Variants in CORIN observed in about 807,000 individuals in gnomAD.
CORIN encodes atrial natriuretic peptide-converting enzyme.
Under a neutral mutation model 125.3 loss-of-function variants are expected in CORIN, and 117 were observed. The observed-to-expected ratio is 0.93, with a 90% CI of 0.80 to 1.09. The LOEUF is 1.09. Ranked by LOEUF, CORIN falls within the 50% of genes least tolerant of loss-of-function variation. The pLI is 0.00. For synonymous variants in CORIN, 450 were observed against 466.4 expected (o/e 0.96, Z 0.45); for missense variants, 1,253 against 1,306.7 (o/e 0.96, Z 0.63).
At chr4:47,793,142 C>T (rs965913918) in intron 2 of CORIN, among the ~76,000 whole-genome samples, 1 of 152,128 alleles carries the variant, frequency 6.6e-6, no homozygotes, top group African/African-American at 2.4e-5. Context: ...CCAGATGCCT[C>T]ACCAGACTCC....
intron 5 of CORIN, among the ~76,000 whole-genome samples, chr4:47,714,766 G>A (rs1301414350): frequency 6.6e-6 from 1 of 152,176 alleles, no homozygotes; most frequent in East Asian, 1.9e-4. Context: ...ACAGGCTATA[G>A]TTTGCTGACC....
chr4:47,729,619 G>A (rs1727767813), intron 5 of CORIN, among the ~76,000 whole-genome samples: 1 of 152,126 alleles, frequency 6.6e-6, no homozygotes, highest in African/African-American at 2.4e-5. Context: ...ACAGACGGGA[G>A]GTGGAAATGC....
chr4:47,690,768 T>TA (rs1188573156), intron 6 of CORIN, among the ~76,000 whole-genome samples: 3 of 152,178 alleles, frequency 2.0e-5, no homozygotes, highest in Non-Finnish European at 4.4e-5. Flanking sequence ...AATTCAGACT[T>TA]ACACTATTCC....
At chr4:47,834,496 G>A (rs1733273263) in intron 1 of CORIN, among the ~76,000 whole-genome samples, 2 of 152,210 alleles carry the variant, frequency 1.3e-5, no homozygotes, top group Non-Finnish European at 2.9e-5. Context: ...TTTCAGTAAT[G>A]CAAGATAAAT....
intron 1 of CORIN, among the ~76,000 whole-genome samples, chr4:47,816,168 CAATT>C (rs1732258972): frequency 6.6e-6 from 1 of 152,110 alleles, no homozygotes; most frequent in South Asian, 2.1e-4. Flanking sequence ...ATGTTGAAAA[CAATT>C]AACCTACTGA....
intron 21 of CORIN, 24 bp from the exon 22 acceptor site, chr4:47,595,927 T>C (rs767021760): frequency 2.1e-5 from 33 of 1,590,780 alleles, no homozygotes; most frequent in Non-Finnish European, 2.7e-5. Flanking sequence ...CGATGGGAGT[T>C]AGGAACTGGC....
chr4:47,784,934 T>C (rs1302090033), intron 3 of CORIN, among the ~76,000 whole-genome samples: 1 of 152,162 alleles, frequency 6.6e-6, no homozygotes, highest in Admixed American at 6.5e-5. Context: ...CTCTTTTGGG[T>C]TGGAGAAATA....
At chr4:47,713,573 C>T (rs775000715) in intron 5 of CORIN, among the ~76,000 whole-genome samples, 1 of 152,164 alleles carries the variant, frequency 6.6e-6, no homozygotes, top group South Asian at 2.1e-4. Flanking sequence ...CTCAGCCCTG[C>T]GTGGAGGCTC....
rs1415924818 is a variant in CORIN, at chr4:47,736,309, T to C, written c.799+8093A>G. Among the ~76,000 whole-genome samples the C allele has an allele frequency of 2.0e-5, 3 of 152,184 alleles. No individual in the cohort carries two copies. The East Asian group carries it at 5.8e-4, about 29-fold the overall frequency. On this transcript the variant is annotated intron_variant, in intron 5 of 21. Transcript: ENST00000273857. ...TGTGAAAAAGAAAACAAACTTCCAT[T>C]TCTGGCCATGAGGTAGTAACTTGCA...
chr4:47,613,931 A>G (rs1445088829), intron 19 of CORIN, among the ~76,000 whole-genome samples: 1 of 151,256 alleles, frequency 6.6e-6, no homozygotes, highest in Non-Finnish European at 1.5e-5. Context: ...CACAATGTGC[A>G]CATGTACCCT....
At chr4:47,599,593 A>G (rs1721372233) in intron 21 of CORIN, among the ~76,000 whole-genome samples, 1 of 152,158 alleles carries the variant, frequency 6.6e-6, no homozygotes, top group African/African-American at 2.4e-5. Context: ...AAGTAAAAAT[A>G]AAAAGGCACC....
intron 9 of CORIN, among the ~76,000 whole-genome samples, chr4:47,675,700 G>A (rs1724982888): frequency 1.3e-5 from 2 of 152,102 alleles, no homozygotes; most frequent in African/African-American, 4.8e-5. Flanking sequence ...TTCTGATGCT[G>A]TGTGATCACT....
intron 6 of CORIN, among the ~76,000 whole-genome samples, chr4:47,687,308 T>C (rs2109730536): frequency 6.6e-6 from 1 of 152,340 alleles, no homozygotes; most frequent in East Asian, 1.9e-4. Flanking sequence ...CTCCTTTTAC[T>C]GAAATAAATG....
chr4:47,625,367 C>CTTGTAG (rs1722509779), intron 17 of CORIN, among the ~76,000 whole-genome samples: 2 of 151,874 alleles, frequency 1.3e-5, no homozygotes, highest in Admixed American at 6.6e-5. Flanking sequence ...TAAGATAACA[C>CTTGTAG]TTGTAGTTAG....
At chr4:47,785,746 T>C (rs1329085591) in intron 3 of CORIN, among the ~76,000 whole-genome samples, 1 of 151,918 alleles carries the variant, frequency 6.6e-6, no homozygotes, top group East Asian at 1.9e-4. Context: ...ACCCTGTCTC[T>C]ACTAAAAATA....
chr4:47,783,658 G>A (rs1730649223), intron 3 of CORIN, among the ~76,000 whole-genome samples: 1 of 151,952 alleles, frequency 6.6e-6, no homozygotes, highest in Non-Finnish European at 1.5e-5. Context: ...TAAAAGAGGA[G>A]GATAAAAATA....
At chr4:47,601,249 T>G (rs2109504719) in intron 20 of CORIN, among the ~76,000 whole-genome samples, 1 of 152,322 alleles carries the variant, frequency 6.6e-6, no homozygotes, top group South Asian at 2.1e-4. Flanking sequence ...TGCTATTTTT[T>G]TCCATTTTAT....
intron 13 of CORIN, among the ~76,000 whole-genome samples, chr4:47,652,997 C>T (rs1723803451): frequency 6.6e-6 from 1 of 152,172 alleles, no homozygotes; most frequent in Admixed American, 6.5e-5. Context: ...AGTAGTGCCC[C>T]TCCACCCTTA....
In CORIN at chr4:47,623,913, A is replaced by G; in HGVS notation, c.2351T>C (p.Leu784Pro). Residue 784 changes from leucine (L) to proline (P), a missense_variant, in exon 18 of 22, where the codon CTG (leucine) becomes CCG (proline). By Grantham distance (98) the Leu-to-Pro change is moderately conservative. Coordinates refer to ENST00000273857, the MANE Select transcript of CORIN (RefSeq NM_006587.4). ...SCESRSKISLLCTKQDCGRRP... is the reference protein window; with the variant it reads ...SCESRSKISLPCTKQDCGRRP... ...AATTCTCTCACCTTGTTTAGTACAC[A>G]GAAGAGAAATTTTACTTCTGCTCTC... is the stretch of plus-strand genomic sequence containing the variant. The G allele has an allele frequency of 6.2e-7, 1 of 1,613,984 alleles. No individual in the cohort carries two copies.
Sources: allele counts gnomAD v4.1 joint callset (sites outside exome capture counted in the v4.1 genomes callset), GRCh38; gene constraint gnomAD v4.1.1; transcripts MANE v1.5; gene names NCBI Gene and HGNC (gene_info 2026-07-23, HGNC 2026-07-21).